The following SERPINB7 variants were observed in gnomAD, a reference collection of about 807,000 sequenced individuals.
The protein encoded by SERPINB7 is serpin B7.
SERPINB7 carries 31 observed loss-of-function variants against 37.4 expected under a neutral mutation model. The ratio of observed to expected loss-of-function variants is 0.83; its 90% CI spans 0.62 to 1.12. The LOEUF is 1.12. SERPINB7 is among the 50% of genes most tolerant of loss of function. The pLI, the probability that SERPINB7 is intolerant of heterozygous loss-of-function variation, is 0.00. For missense variants in SERPINB7, 521 were observed against 455.3 expected (o/e 1.14, Z -1.31); for synonymous variants, 163 against 166.1 (o/e 0.98, Z 0.14).
rs945517046 is a variant in SERPINB7, at chr18:63,796,263, T to A, written c.337-3T>A. On this transcript the variant is annotated splice_polypyrimidine_tract_variant and splice_region_variant and intron_variant, in intron 4 of 7. Transcript: ENST00000398019. ...AATACGAGAACTATATTCTTCTTTA[T>A]AGGACTACATTGAGTGTGCCGAAAA... 6.5e-7 allele frequency: 1 copy of A among 1,536,946 alleles called. No homozygotes were observed. Among genetic ancestry groups the A allele is most frequent in the Non-Finnish European group, 9.0e-7 (1 of 1,111,144 alleles).
In SERPINB7 at chr18:63,777,455, A is replaced by T. The variant is rs369009673; in HGVS notation, c.-19+1739A>T. The stretch of plus-strand genomic sequence containing the variant: ...AAATAAACAATAACAAAAATCAGTA[A>T]CTACATTTCCACATGTAAGAAGTGC... On this transcript the variant is annotated intron_variant, in intron 1 of 7. Coordinates refer to ENST00000398019, the MANE Select transcript of SERPINB7 (RefSeq NM_003784.4). Among the ~76,000 whole-genome samples the T allele has an allele frequency of 3.2e-4, 49 of 152,196 alleles. No homozygotes were observed. The South Asian group carries it at 0.01, about 32-fold the overall frequency.
chr18:63,764,055 T>C (rs11662961), intron 1 of SERPINB7, among the ~76,000 whole-genome samples: 30,894 of 152,164 alleles, frequency 0.2, 3,698 homozygotes, highest in Middle Eastern at 0.31. Flanking sequence ...ATTTCTATGG[T>C]ATGAGCTAAA....
rs2049437517 is a variant in SERPINB7 at position 63,792,331 on chromosome 18, C to T, written c.169-62C>T. On this transcript the variant is annotated intron_variant, in intron 2 of 7. Transcript: ENST00000398019. The stretch of plus-strand genomic sequence containing the variant: ...AAGAATATTTTTATTTTTAAAACCT[C>T]TTGCAAACTGTTCTCGTAACCTCTG... The T allele has an allele frequency of 3.3e-6, 4 of 1,215,594 alleles. No individual in the cohort carries two copies. The South Asian group carries it at 5.1e-5, about 15-fold the overall frequency. The allele number at this position is 1,215,594 out of a possible 1,614,324, so 75.3% of individuals were successfully genotyped here.
At chr18:63,793,018 G>GTA (rs1443830053) in intron 3 of SERPINB7, 143 bp from the exon 4 acceptor site, 1 of 432,458 alleles carries the variant, frequency 2.3e-6, no homozygotes, top group African/African-American at 2.0e-5. Context: ...AGACATAGAT[G>GTA]TATGTGGCCT....
intron 1 of SERPINB7, among the ~76,000 whole-genome samples, chr18:63,777,113 A>G (rs1480574807): frequency 6.6e-6 from 1 of 152,110 alleles, no homozygotes; most frequent in Non-Finnish European, 1.5e-5. Context: ...CTTGAGAGGG[A>G]CAGCTCACCT....
At chr18:63,804,109 C>T (rs979630601) in intron 7 of SERPINB7, 128 bp from the exon 8 acceptor site, 4 of 660,356 alleles carry the variant, frequency 6.1e-6, no homozygotes, top group Non-Finnish European at 1.0e-5. Flanking sequence ...CTGCCCAAGA[C>T]ACATTCATGT....
intron 2 of SERPINB7, among the ~76,000 whole-genome samples, chr18:63,783,191 AGAGAGAGAG>A (rs1568207543): frequency 1.8e-3 from 114 of 61,892 alleles, no homozygotes; most frequent in African/African-American, 5.6e-3. Context: ...AAAGAAAGAG[AGAGAGAGAG>A]AGAGAGAGAG....
chr18:63,768,868 G>GTTT (rs1459638506), intron 1 of SERPINB7, among the ~76,000 whole-genome samples: 1 of 152,032 alleles, frequency 6.6e-6, no homozygotes, highest in East Asian at 1.9e-4. Context: ...TCAGATTATG[G>GTTT]TTTTGTTTTA....
At chr18:63,774,298 A>G (rs1208301188), upstream of SERPINB7, among the ~76,000 whole-genome samples, 1 of 152,082 alleles carries the variant, frequency 6.6e-6, no homozygotes, top group African/African-American at 2.4e-5. Flanking sequence ...GCAAAATTGC[A>G]CAAAATTGAG....
In SERPINB7 at chr18:63,800,894, A is replaced by C. The variant is rs778546528; in HGVS notation, c.626A>C (p.His209Pro). Reference protein sequence around the residue: ...KCSGKAVAMMHQERKFNLSVI... With the variant: ...KCSGKAVAMMPQERKFNLSVI... ...TCTGGGAAGGCAGTCGCCATGATGC[A>C]TCAGGAACGGAAGTTCAATTTGTCT... The change falls in exon 7 of 8, where the codon CAT becomes CCT. Residue 209 changes from histidine to proline, a missense_variant. His to Pro is a moderately conservative substitution (Grantham distance 77). Transcript: ENST00000398019. 3 of 1,613,950 alleles carry C rather than the reference A, an allele frequency of 1.9e-6. No homozygotes were observed. The highest frequency in any genetic ancestry group is 1.7e-5 in the Admixed American group (1 of 60,014).
intron 5 of SERPINB7, among the ~76,000 whole-genome samples, chr18:63,797,817 T>G (rs1383952234): frequency 6.6e-6 from 1 of 152,226 alleles, no homozygotes; most frequent in Non-Finnish European, 1.5e-5. Context: ...AGCCTCTTCA[T>G]TATCAGGCCC....
chr18:63,773,132 A>G (rs2049221143), upstream of SERPINB7, among the ~76,000 whole-genome samples: 1 of 152,150 alleles, frequency 6.6e-6, no homozygotes, highest in Non-Finnish European at 1.5e-5. Flanking sequence ...TAGACCTAAC[A>G]TGCAATCACT....
chr18:63,770,269 T>C (rs571075775), intron 1 of SERPINB7, among the ~76,000 whole-genome samples: 2 of 151,488 alleles, frequency 1.3e-5, no homozygotes, highest in Admixed American at 6.6e-5. Flanking sequence ...CAGGGTGTGG[T>C]TGGCAATAGC....
At chr18:63,755,019 C>T (rs1324311048) in intron 1 of SERPINB7, among the ~76,000 whole-genome samples, 1 of 151,696 alleles carries the variant, frequency 6.6e-6, no homozygotes, top group East Asian at 2.0e-4. Context: ...CCTGCCTCAG[C>T]CTCCCGAGTA....
At chr18:63,783,271 A>G (rs925905427) in intron 2 of SERPINB7, among the ~76,000 whole-genome samples, 8 of 147,824 alleles carry the variant, frequency 5.4e-5, no homozygotes, top group Non-Finnish European at 1.2e-4. Context: ...AGAAAGAAAG[A>G]AAGAAAGAAA....
chr18:63,789,422 T>G (rs1335374134), intron 2 of SERPINB7, among the ~76,000 whole-genome samples: 1 of 152,202 alleles, frequency 6.6e-6, no homozygotes, highest in East Asian at 1.9e-4. Flanking sequence ...GTCCAAAGTA[T>G]AAAGATACAT....
At chr18:63,762,747 T>C (rs982179657) in intron 1 of SERPINB7, among the ~76,000 whole-genome samples, 2 of 152,222 alleles carry the variant, frequency 1.3e-5, no homozygotes, top group East Asian at 1.9e-4. Flanking sequence ...TGACTTTCCA[T>C]GTACAAATGT....
Position 63,782,549 on chromosome 18 carries a change from C to T in SERPINB7, c.168+9C>T. The T allele has an allele frequency of 1.3e-6, 2 of 1,597,034 alleles. No individual in the cohort carries two copies. Among genetic ancestry groups the T allele is most frequent in the Non-Finnish European group, 1.7e-6 (2 of 1,170,898 alleles). The stretch of plus-strand genomic sequence containing the variant: ...TCTCTCAGATTGATAAGGTCAGTCT[C>T]AGCTTTTGCAGTTAATCACTGGGAC... On this transcript the variant is annotated intron_variant, in intron 2 of 7. Coordinates refer to ENST00000398019, the MANE Select transcript of SERPINB7 (RefSeq NM_003784.4).
At chr18:63,760,570 T>G (rs2049147774) in intron 1 of SERPINB7, among the ~76,000 whole-genome samples, 1 of 152,198 alleles carries the variant, frequency 6.6e-6, no homozygotes, top group East Asian at 1.9e-4. Context: ...GTCAGAGACC[T>G]TCATGGTGGC....
Sources: allele counts gnomAD v4.1 joint callset (sites outside exome capture counted in the v4.1 genomes callset), GRCh38; gene constraint gnomAD v4.1.1; transcripts MANE v1.5; gene names NCBI Gene and HGNC (gene_info 2026-07-23, HGNC 2026-07-21).